RANBP2: variants seen among roughly 807,000 people sequenced by gnomAD.
The protein encoded by RANBP2 is RAN binding protein 2, also known as E3 SUMO-protein ligase RanBP2.
In RANBP2, 57 loss-of-function variants were observed where a neutral mutation model predicts 303.6. The observed-to-expected ratio is 0.19, with a 90% CI of 0.15 to 0.23. RANBP2 has a LOEUF of 0.23. RANBP2 is among the 10% of genes least tolerant of loss of function. RANBP2 has a pLI of 1.00. For missense variants in RANBP2, 3,138 were observed against 3,780.8 expected (o/e 0.83, Z 4.46); for synonymous variants, 1,167 against 1,301.5 (o/e 0.90, Z 2.23).
the RANBP2 span, among the ~76,000 whole-genome samples, chr2:109,300,775 C>T: frequency 6.6e-6 from 1 of 152,216 alleles, no homozygotes; most frequent in Non-Finnish European, 1.5e-5. Context: ...TTGGGCTCCA[C>T]CTCCTTTCTC....
chr2:109,572,214 T>C, the RANBP2 span, among the ~76,000 whole-genome samples: 2 of 152,120 alleles, frequency 1.3e-5, no homozygotes, highest in East Asian at 3.9e-4. Context: ...CACTGCAAGC[T>C]CTGCCTCCTG....
intron 18 of RANBP2, among the ~76,000 whole-genome samples, chr2:108,760,851 T>A (rs1477096628): frequency 2.6e-5 from 4 of 152,164 alleles, no homozygotes; most frequent in Non-Finnish European, 5.9e-5. Context: ...CTCCTTTGCA[T>A]GAATTTGTCA....
chr2:109,511,931 A>G, the RANBP2 span, among the ~76,000 whole-genome samples: 1 of 152,134 alleles, frequency 6.6e-6, no homozygotes, highest in Non-Finnish European at 1.5e-5. Flanking sequence ...TGCCCACAGC[A>G]GGTGCCGATG....
At chr2:109,555,127 T>C in the RANBP2 span, among the ~76,000 whole-genome samples, 1 of 152,196 alleles carries the variant, frequency 6.6e-6, no homozygotes, top group Admixed American at 6.5e-5. Context: ...TGTCACCCTC[T>C]AGATTTTCCA....
the RANBP2 span, chr2:108,910,531 G>A: frequency 1.2e-6 from 2 of 1,612,328 alleles, no homozygotes; most frequent in South Asian, 1.1e-5. Flanking sequence ...TCACCACGTT[G>A]TCTGCAGGGA....
At chr2:109,312,749 A>G in the RANBP2 span, among the ~76,000 whole-genome samples, 1 of 152,176 alleles carries the variant, frequency 6.6e-6, no homozygotes, top group African/African-American at 2.4e-5. Flanking sequence ...TGGTATTTCC[A>G]CATTTTGTTT....
the RANBP2 span, among the ~76,000 whole-genome samples, chr2:108,942,179 C>T: frequency 6.6e-6 from 1 of 152,212 alleles, no homozygotes; most frequent in Non-Finnish European, 1.5e-5. Context: ...CACTAAACCT[C>T]CCCAGCATTG....
the RANBP2 span, among the ~76,000 whole-genome samples, chr2:109,445,383 A>G: frequency 6.6e-6 from 1 of 152,088 alleles, no homozygotes; most frequent in African/African-American, 2.4e-5. Context: ...AAACATGCTG[A>G]ACTTAAACTT....
the RANBP2 span, among the ~76,000 whole-genome samples, chr2:109,275,819 C>T: frequency 6.6e-6 from 1 of 152,162 alleles, no homozygotes; most frequent in Non-Finnish European, 1.5e-5. Flanking sequence ...GAAGCGTTCG[C>T]GGGGAGCTGG....
At chr2:109,429,886 C>T in the RANBP2 span, among the ~76,000 whole-genome samples, 1 of 152,202 alleles carries the variant, frequency 6.6e-6, no homozygotes, top group East Asian at 1.9e-4. Context: ...TGCAGGGAGC[C>T]TGCAGTAGCC....
At chr2:109,203,650 T>C in the RANBP2 span, among the ~76,000 whole-genome samples, 268 of 152,146 alleles carry the variant, frequency 1.8e-3, 1 homozygote, top group African/African-American at 6.3e-3. Flanking sequence ...GTGCACCCCA[T>C]GTGAGTGTCC....
the RANBP2 span, among the ~76,000 whole-genome samples, chr2:109,475,136 C>T: frequency 6.6e-6 from 1 of 152,150 alleles, no homozygotes; most frequent in Non-Finnish European, 1.5e-5. Context: ...CACCACCACG[C>T]CCAGCTAATT....
At chr2:109,600,402 A>G in the RANBP2 span, among the ~76,000 whole-genome samples, 1 of 152,074 alleles carries the variant, frequency 6.6e-6, no homozygotes, top group African/African-American at 2.4e-5. Flanking sequence ...CTGTATAACC[A>G]TCAATTATTC....
At chr2:108,877,806 G>A in the RANBP2 span, among the ~76,000 whole-genome samples, 1 of 152,202 alleles carries the variant, frequency 6.6e-6, no homozygotes, top group Non-Finnish European at 1.5e-5. Flanking sequence ...AAAAACCTAT[G>A]AGAAAAGGGT....
the RANBP2 span, among the ~76,000 whole-genome samples, chr2:109,154,628 G>T: frequency 6.6e-6 from 1 of 152,194 alleles, no homozygotes; most frequent in African/African-American, 2.4e-5. Context: ...CTTTGTCCTG[G>T]CTTCTGGCCT....
At position 108,783,642 on chromosome 2, in the gene RANBP2, A is replaced by T; in HGVS notation, c.9416A>T (p.Tyr3139Phe). ...KHDGTGGQSI[Y>F]GDKFEDENFD... ...GATGGAACAGGCGGACAGTCCATTTATGGAGACAAATTTGAAGATGAAAAT... is the reference window on the plus strand; with the variant it reads ...GATGGAACAGGCGGACAGTCCATTTTTGGAGACAAATTTGAAGATGAAAAT... The change falls in exon 29 of 29, where the codon TAT (tyrosine) becomes TTT (phenylalanine). Residue 3139 changes from tyrosine to phenylalanine, a missense_variant. Physicochemically the swap from Tyr to Phe is conservative, Grantham distance 22. Around this residue, in one of 20 missense-constraint regions of RANBP2, gnomAD observed 204 missense variants for 228.4 expected, o/e 0.89. Coordinates refer to ENST00000283195, the MANE Select transcript of RANBP2 (RefSeq NM_006267.5). 6.2e-7 allele frequency: 1 copy of T among 1,612,456 alleles called. No homozygotes were observed. Among genetic ancestry groups the T allele is most frequent in the Non-Finnish European group, 8.5e-7 (1 of 1,178,532 alleles).
the RANBP2 span, among the ~76,000 whole-genome samples, chr2:109,403,569 G>A: frequency 6.6e-6 from 1 of 152,208 alleles, no homozygotes; most frequent in Non-Finnish European, 1.5e-5. Context: ...GCTGACCTCA[G>A]GCCAAAGGAG....
At chr2:109,665,622 T>C in the RANBP2 span, 1 of 152,638 alleles carries the variant, frequency 6.6e-6, no homozygotes, top group Non-Finnish European at 1.5e-5. Flanking sequence ...ATAGCAGGCA[T>C]GAGCCACCGC....
chr2:109,571,020 T>C, the RANBP2 span, among the ~76,000 whole-genome samples: 1 of 152,138 alleles, frequency 6.6e-6, no homozygotes, highest in African/African-American at 2.4e-5. Flanking sequence ...GGGACAGAGT[T>C]GTCCCTTGCT....
Sources: gnomAD v4.1 joint callset for allele counts (sites outside exome capture counted in the v4.1 genomes callset) on GRCh38, gnomAD v4.1.1 for gene constraint, gnomAD v4.1.1 regional missense constraint, MANE v1.5 for transcripts, NCBI Gene and HGNC (gene_info 2026-07-23, HGNC 2026-07-21) for gene names.